GRK3: variants seen among roughly 807,000 people sequenced by gnomAD.
GRK3 encodes G protein-coupled receptor kinase 3.
GRK3 carries 54 observed loss-of-function variants against 95.7 expected under a neutral mutation model. That is an observed-to-expected ratio of 0.56 (90% CI 0.45 to 0.71). The LOEUF is 0.71. Among genes scored for constraint, GRK3 ranks in the 30% least tolerant of loss-of-function variants. GRK3 has a pLI of 0.00. For missense variants in GRK3, 649 were observed against 851.2 expected (o/e 0.76, Z 2.96); for synonymous variants, 281 against 290.8 (o/e 0.97, Z 0.34).
At chr22:25,636,021 G>A (rs2084698547) in intron 2 of GRK3, among the ~76,000 whole-genome samples, 1 of 152,080 alleles carries the variant, frequency 6.6e-6, no homozygotes, top group East Asian at 1.9e-4. Context: ...TTATTTTGAT[G>A]TTCAAATTTT....
chr22:25,636,084 C>A (rs1271408513), intron 2 of GRK3, among the ~76,000 whole-genome samples: 2 of 152,110 alleles, frequency 1.3e-5, no homozygotes, highest in Non-Finnish European at 2.9e-5. Context: ...TCATATAGCT[C>A]CATCATCCTA....
rs189312294 is a variant in GRK3, at chr22:25,687,963, G to T, written c.957+296G>T. Among the ~76,000 whole-genome samples the T allele has an allele frequency of 5.9e-5, 9 of 152,278 alleles. 1 individual carries two copies. Among genetic ancestry groups the T allele is most frequent in the African/African-American group, 2.2e-4 (9 of 41,560 alleles). On this transcript the variant is annotated intron_variant, in intron 11 of 20. Coordinates refer to ENST00000324198, the MANE Select transcript of GRK3 (RefSeq NM_005160.4). ...TAATGAAAAGCAATTTAGGCCAGGT[G>T]CGGTGGCTCATGCCTGTAATCCCAG...
At chr22:25,679,383 T>G (rs1367350781) in intron 9 of GRK3, among the ~76,000 whole-genome samples, 3 of 152,248 alleles carry the variant, frequency 2.0e-5, no homozygotes, top group African/African-American at 4.8e-5. Flanking sequence ...AAGGTGATCT[T>G]ACCTGCCTCT....
chr22:25,668,500 C>A (rs1009979325), intron 6 of GRK3, among the ~76,000 whole-genome samples: 11 of 152,214 alleles, frequency 7.2e-5, no homozygotes, highest in African/African-American at 2.7e-4. Context: ...CTGTAGTTTT[C>A]TTCACCACAT....
At chr22:25,711,016 C>A in intron 16 of GRK3, 52 bp from the exon 17 acceptor site, 1 of 1,134,102 alleles carries the variant, frequency 8.8e-7, no homozygotes, top group African/African-American at 1.5e-5. Context: ...TAGGTTGGGA[C>A]AGGGCCATAC....
intron 2 of GRK3, among the ~76,000 whole-genome samples, chr22:25,638,103 C>A (rs1338940028): frequency 6.6e-6 from 1 of 152,162 alleles, no homozygotes; most frequent in Non-Finnish European, 1.5e-5. Context: ...CTCCTTACAC[C>A]ACGATTAATC....
intron 4 of GRK3, among the ~76,000 whole-genome samples, 155 bp downstream of exon 4, chr22:25,661,832 G>T (rs982572535): frequency 2.6e-5 from 4 of 152,070 alleles, no homozygotes; most frequent in African/African-American, 9.7e-5. Flanking sequence ...TTGTTTCCTG[G>T]TAATATTACC....
At chr22:25,706,407 C>G (rs1349338977) in intron 15 of GRK3, among the ~76,000 whole-genome samples, 2 of 152,204 alleles carry the variant, frequency 1.3e-5, no homozygotes, top group Non-Finnish European at 2.9e-5. Context: ...GGCTCCGTCC[C>G]CAGGGCAGTA....
chr22:25,682,789 GAA>G (rs2085084814), intron 9 of GRK3, among the ~76,000 whole-genome samples: 1 of 152,178 alleles, frequency 6.6e-6, no homozygotes, highest in South Asian at 2.1e-4. Context: ...TCAAGAGACG[GAA>G]AGTTACCAGT....
chr22:25,657,612 C>T (rs2084881814), intron 3 of GRK3, among the ~76,000 whole-genome samples: 1 of 152,050 alleles, frequency 6.6e-6, no homozygotes, highest in African/African-American at 2.4e-5. Context: ...TTTTTTCCCT[C>T]ATTCTGACAG....
chr22:25,606,524 A>G (rs1229317369), intron 2 of GRK3, among the ~76,000 whole-genome samples: 1 of 152,104 alleles, frequency 6.6e-6, no homozygotes, highest in Non-Finnish European at 1.5e-5. Context: ...TTCCTTTTCC[A>G]GGTTCCGTTT....
chr22:25,708,560 G>A (rs949678058), intron 15 of GRK3, among the ~76,000 whole-genome samples: 38 of 152,206 alleles, frequency 2.5e-4, no homozygotes, highest in African/African-American at 8.4e-4. Context: ...ACCCCAAGAA[G>A]CAGCCCTGAG....
At chr22:25,667,624 A>G in intron 5 of GRK3, 115 bp from the exon 6 acceptor site, 1 of 666,788 alleles carries the variant, frequency 1.5e-6, no homozygotes, top group Non-Finnish European at 2.7e-6. Flanking sequence ...TACCAGACAC[A>G]ATGCTATGGG....
intron 2 of GRK3, among the ~76,000 whole-genome samples, chr22:25,631,542 C>G (rs556178299): frequency 2.6e-5 from 4 of 152,186 alleles, no homozygotes; most frequent in African/African-American, 9.6e-5. Flanking sequence ...TTTCTTTCTT[C>G]TTTCATGGTG....
intron 2 of GRK3, among the ~76,000 whole-genome samples, chr22:25,622,431 G>A (rs1300142345): frequency 1.3e-5 from 2 of 152,150 alleles, no homozygotes. Context: ...GTTGTTTAGG[G>A]GACATTTCTT....
chr22:25,591,324 A>G (rs375532465), intron 1 of GRK3, among the ~76,000 whole-genome samples: 143 of 152,286 alleles, frequency 9.4e-4, no homozygotes, highest in African/African-American at 3.0e-3. Flanking sequence ...CTCTGAGTGC[A>G]CCACCTTCCC....
intron 3 of GRK3, chr22:25,647,251 C>A: frequency 1.2e-6 from 1 of 865,764 alleles, no homozygotes; most frequent in Non-Finnish European, 1.7e-6. Context: ...AGCCAGAGGA[C>A]AGATTTGATA....
At chr22:25,645,399 G>A (rs1261897498) in intron 3 of GRK3, among the ~76,000 whole-genome samples, 1 of 152,146 alleles carries the variant, frequency 6.6e-6, no homozygotes, top group Non-Finnish European at 1.5e-5. Context: ...GGCTGCTTCT[G>A]GGAGACAAAA....
intron 6 of GRK3, among the ~76,000 whole-genome samples, chr22:25,668,233 C>T (rs1469496686): frequency 1.3e-5 from 2 of 152,172 alleles, no homozygotes; most frequent in East Asian, 1.9e-4. Context: ...TGTTTATGAT[C>T]GTGTACATCA....
Sources: gnomAD v4.1 joint callset for allele counts (sites outside exome capture counted in the v4.1 genomes callset) on GRCh38, gnomAD v4.1.1 for gene constraint, MANE v1.5 for transcripts, NCBI Gene and HGNC (gene_info 2026-07-23, HGNC 2026-07-21) for gene names.